Variants in RIPOR3 observed in about 807,000 individuals in gnomAD.
RIPOR3 encodes the protein RIPOR family member 3, also known as family with sequence similarity 65 member C.
In RIPOR3, 95 loss-of-function variants were observed where a neutral mutation model predicts 114.3. The ratio of observed to expected loss-of-function variants is 0.83; its 90% confidence interval spans 0.70 to 0.99. The LOEUF is 0.99. Among genes scored for constraint, RIPOR3 ranks in the 50% least tolerant of loss-of-function variants. The pLI is 0.00. For synonymous variants in RIPOR3, 575 were observed against 543.8 expected, an observed-to-expected ratio of 1.06 and a Z score of -0.80; for missense variants, 1,252 against 1,266.9, an observed-to-expected ratio of 0.99 and a Z score of 0.18.
intron 1 of RIPOR3, among the ~76,000 whole-genome samples, chr20:50,631,614 G>A (rs2084825106): frequency 6.6e-6 from 1 of 152,160 alleles, no homozygotes; most frequent in Non-Finnish European, 1.5e-5. Context: ...AGCCATGGGA[G>A]GGCTTTCAGC....
At chr20:50,598,507 A>G (rs2083381779) in intron 13 of RIPOR3, among the ~76,000 whole-genome samples, 1 of 152,160 alleles carries the variant, frequency 6.6e-6, no homozygotes, top group Non-Finnish European at 1.5e-5. Context: ...CTGCGGAGCC[A>G]AAGAGAAAAT....
At chr20:50,607,558 G>A (rs1341988702) in intron 11 of RIPOR3, among the ~76,000 whole-genome samples, 1 of 152,120 alleles carries the variant, frequency 6.6e-6, no homozygotes, top group Non-Finnish European at 1.5e-5. Context: ...CTGCAGACCC[G>A]CAGGCACCCT....
chr20:50,592,765 AACC>A (rs910118383), intron 18 of RIPOR3, among the ~76,000 whole-genome samples: 1 of 152,122 alleles, frequency 6.6e-6, no homozygotes, highest in African/African-American at 2.4e-5. Flanking sequence ...AAATTAATAA[AACC>A]ACAGCCCACA....
At chr20:50,669,026 A>G (rs2086362854) in intron 1 of RIPOR3, among the ~76,000 whole-genome samples, 1 of 152,044 alleles carries the variant, frequency 6.6e-6, no homozygotes. Flanking sequence ...GGACAGTCAC[A>G]CACATGCACA....
At chr20:50,603,761 G>A (rs138121359) in intron 12 of RIPOR3, among the ~76,000 whole-genome samples, 28 of 152,296 alleles carry the variant, frequency 1.8e-4, no homozygotes, top group South Asian at 8.3e-4. Flanking sequence ...CTGGGTACAC[G>A]GACACGAACC....
At chr20:50,626,300 A>C (rs1198714468) in intron 2 of RIPOR3, among the ~76,000 whole-genome samples, 1 of 152,222 alleles carries the variant, frequency 6.6e-6, no homozygotes, top group Non-Finnish European at 1.5e-5. Flanking sequence ...GGGGCTGCCC[A>C]GGGACCTCCG....
intron 1 of RIPOR3, among the ~76,000 whole-genome samples, chr20:50,672,007 TGGATGGATG>T (rs2086525937): frequency 7.8e-6 from 1 of 128,718 alleles, no homozygotes; most frequent in Non-Finnish European, 1.6e-5. Flanking sequence ...GATGGATGGA[TGGATGGATG>T]GATGGGTAGG....
chr20:50,654,422 G>GTTT lies in RIPOR3; in HGVS notation c.4-23569_4-23567dup, dbSNP rs34825514. Reference sequence around the variant, plus strand: ...CCTCATGACTCTCCCAGGAGGCAGAGTTTTTTTTTTTTTTTTTTTTTTTTT... The same window carrying GTTT: ...CCTCATGACTCTCCCAGGAGGCAGAGTTTTTTTTTTTTTTTTTTTTTTTTTTTT... On this transcript the variant is annotated intron_variant, in intron 1 of 21. Coordinates refer to ENST00000327979, the MANE Select transcript of RIPOR3 (RefSeq NM_001290268.2). Among the ~76,000 whole-genome samples the GTTT allele has an allele frequency of 6.6e-4, 37 of 56,114 alleles. 3 individuals carry two copies. Among genetic ancestry groups the GTTT allele is most frequent in the East Asian group, 1.5e-3 (2 of 1,342 alleles). The allele number at this position is 56,114 out of a possible 152,430, so 36.8% of individuals were successfully genotyped here.
At position 50,637,459 on chromosome 20, in the gene RIPOR3, G is replaced by A. The variant is rs142686025; in HGVS notation, c.4-6603C>T. On this transcript the variant is annotated intron_variant, in intron 1 of 21. Transcript: ENST00000327979. ...GCTAACGTGGACTTGCCCCTCACCC[G>A]TATCCTTCAAATAACTCATGGTTCT... Among the ~76,000 whole-genome samples the A allele has an allele frequency of 5.4e-3, 820 of 152,022 alleles. 4 individuals are homozygous for A. The highest frequency in any genetic ancestry group is 0.014 in the Middle Eastern group (4 of 294).
At chr20:50,607,219 G>A (rs900725692) in intron 11 of RIPOR3, among the ~76,000 whole-genome samples, 1 of 152,194 alleles carries the variant, frequency 6.6e-6, no homozygotes, top group Non-Finnish European at 1.5e-5. Flanking sequence ...CCGATGAGCA[G>A]GGGACACTCG....
rs976732245 is a variant in RIPOR3, at chr20:50,664,744, G to C, written c.3+26382C>G. 1.1e-4 allele frequency among the ~76,000 whole-genome samples: 16 copies of C among 152,146 alleles called. 1 individual carries two copies. The highest frequency in any genetic ancestry group is 1.0e-3 in the Admixed American group (16 of 15,260). On this transcript the variant is annotated intron_variant, in intron 1 of 21. Transcript: ENST00000327979. ...TAGTGTTGAGATAGATTCTGAGGCT[G>C]TGTATGGGCTCACTAGGAAAGGGTG...
At chr20:50,605,801 A>AT (rs1280274932) in intron 11 of RIPOR3, among the ~76,000 whole-genome samples, 46 of 151,712 alleles carry the variant, frequency 3.0e-4, no homozygotes, top group African/African-American at 1.1e-3. Flanking sequence ...AAAAAAAAAA[A>AT]GCAAAATAAA....
chr20:50,640,908 CTTTTTTT>C (rs1331789312), intron 1 of RIPOR3, among the ~76,000 whole-genome samples: 1 of 134,504 alleles, frequency 7.4e-6, no homozygotes, highest in South Asian at 2.4e-4. Context: ...ATATGCACTT[CTTTTTTT>C]TTTTTTTTTT....
rs371548380 is a variant in RIPOR3, at chr20:50,609,686, G to A, written c.463C>T (p.Arg155Cys). 5.6e-5 allele frequency: 78 copies of A among 1,391,968 alleles called. No homozygotes were observed. Among genetic ancestry groups the A allele is most frequent in the African/African-American group, 1.5e-4 (10 of 65,592 alleles). 86.2% of individuals were successfully genotyped at this position (1,391,968 alleles called of 1,614,324 possible). A position where few individuals can be genotyped will look rare whatever the true frequency, so the allele number is the denominator to read the frequency against. ...ATGCTGGAGGCGCCGTCGCGCAGGCGGCACTGGATGCAGTAGTCCTCGTAC... is the reference window on the plus strand; with the variant it reads ...ATGCTGGAGGCGCCGTCGCGCAGGCAGCACTGGATGCAGTAGTCCTCGTAC... Reference protein sequence around the residue: ...ELYEDYCIQCRLRDGASSMQR... With the variant: ...ELYEDYCIQCCLRDGASSMQR... The change falls in exon 7 of 22, where the codon CGC becomes TGC. Residue 155 changes from arginine (R) to cysteine (C), a missense_variant. By Grantham distance (180) the Arg-to-Cys change is radical. Coordinates refer to ENST00000327979, the MANE Select transcript of RIPOR3 (RefSeq NM_001290268.2).
At chr20:50,640,976 C>T (rs1219160378) in intron 1 of RIPOR3, among the ~76,000 whole-genome samples, 2 of 147,656 alleles carry the variant, frequency 1.4e-5, no homozygotes, top group Non-Finnish European at 3.0e-5. Context: ...ATGGCGCAAT[C>T]TCGGCTCACC....
Position 50,691,252 on chromosome 20 carries a change from T to C in RIPOR3, c.-124A>G. 1.6e-6 allele frequency: 2 copies of C among 1,225,262 alleles called. No individual in the cohort carries two copies. Among genetic ancestry groups the C allele is most frequent in the Non-Finnish European group, 2.1e-6 (2 of 934,460 alleles). 75.9% of individuals were successfully genotyped at this position (1,225,262 alleles called of 1,614,324 possible). On this transcript the variant is annotated 5_prime_UTR_variant, in exon 1 of 22. Transcript: ENST00000327979. ...GGGACTCCCGGACTCGAGCTAGGGC[T>C]CTGCAAATTCCATCCACACTGGCCA...
rs150333971 is a variant in RIPOR3, at chr20:50,592,590, G to T, written c.2375-44C>A. ...GTGGGCCCAGGTCCCCTGAATGGGA[G>T]TTTGGCAGGACAGCTGCAAGTTTGC... On this transcript the variant is annotated intron_variant, in intron 18 of 21. Transcript: ENST00000327979. 58 of 1,414,590 alleles carry T rather than the reference G, an allele frequency of 4.1e-5. 1 individual carries two copies. In the African/African-American group the frequency reaches 5.5e-4, roughly 13 times the overall value. 87.6% of individuals were successfully genotyped at this position (1,414,590 alleles called of 1,614,324 possible).
intron 1 of RIPOR3, among the ~76,000 whole-genome samples, chr20:50,664,188 A>T (rs1003522517): frequency 6.6e-6 from 1 of 152,140 alleles, no homozygotes; most frequent in African/African-American, 2.4e-5. Flanking sequence ...CGACCTCCCA[A>T]AGTGCTGGCA....
chr20:50,675,302 G>A (rs1026994404), intron 1 of RIPOR3, among the ~76,000 whole-genome samples: 2 of 152,302 alleles, frequency 1.3e-5, no homozygotes, highest in Admixed American at 6.5e-5. Flanking sequence ...CTAGTTGGAG[G>A]TGCTTCATTA....
Sources: allele counts gnomAD v4.1 joint callset (sites outside exome capture counted in the v4.1 genomes callset), GRCh38; gene constraint gnomAD v4.1.1; transcripts MANE v1.5; gene names NCBI Gene and HGNC (gene_info 2026-07-23, HGNC 2026-07-21).